SPTLC3: variants seen among roughly 807,000 people sequenced by gnomAD.
SPTLC3 encodes the protein serine palmitoyltransferase long chain base subunit 3.
A neutral mutation model predicts 59.3 loss-of-function variants in SPTLC3; 36 were observed. The ratio of observed to expected loss-of-function variants is 0.61; its 90% CI spans 0.47 to 0.80. The LOEUF (loss-of-function observed/expected upper bound fraction) is 0.80, where lower values mean the gene tolerates loss of function less well. SPTLC3 is among the 30% of genes least tolerant of loss of function. The pLI is 0.00. For synonymous variants in SPTLC3, 257 were observed against 240.8 expected, an observed-to-expected ratio of 1.07 and a Z score of -0.62; for missense variants, 625 against 685.1, an observed-to-expected ratio of 0.91 and a Z score of 0.98.
chr20:13,141,165 T>C (rs141556827), intron 9 of SPTLC3, among the ~76,000 whole-genome samples: 20 of 152,386 alleles, frequency 1.3e-4, no homozygotes, highest in Non-Finnish European at 2.5e-4. Context: ...TCTTTCCTAC[T>C]GTTTATTTTT....
rs530448885 is a variant in SPTLC3, at chr20:13,024,314, A to G, written c.117+14930A>G. On this transcript the variant is annotated intron_variant, in intron 1 of 11. Transcript: ENST00000399002. ...GTAAACATTTGCAAATTTATAGAAA[A>G]CCTTATATAATTCTAAATAAATATT... Among the ~76,000 whole-genome samples the G allele has an allele frequency of 3.3e-5, 5 of 152,194 alleles. No homozygotes were observed. The East Asian group carries it at 7.7e-4, about 23-fold the overall frequency.
At chr20:13,161,535 G>C (rs537163292) in intron 11 of SPTLC3, among the ~76,000 whole-genome samples, 1 of 152,180 alleles carries the variant, frequency 6.6e-6, no homozygotes, top group African/African-American at 2.4e-5. Context: ...TCGCAGGTGG[G>C]GACCCAGACT....
chr20:13,068,981 G>A (rs1049736243), intron 2 of SPTLC3, among the ~76,000 whole-genome samples: 6 of 152,166 alleles, frequency 3.9e-5, no homozygotes, highest in African/African-American at 7.2e-5. Context: ...CCCTGAGTCA[G>A]GAGGCAGAGA....
intron 1 of SPTLC3, among the ~76,000 whole-genome samples, chr20:13,013,227 C>T (rs568912056): frequency 2.2e-4 from 34 of 152,320 alleles, no homozygotes; most frequent in African/African-American, 7.2e-4. Flanking sequence ...ATTCTCCCCA[C>T]CTTTCTATAT....
chr20:13,090,896 AT>A (rs60921624), intron 4 of SPTLC3, among the ~76,000 whole-genome samples, 186 bp from the exon 5 acceptor site: 70,782 of 151,984 alleles, frequency 0.47, 16,490 homozygotes, highest in Middle Eastern at 0.51. Context: ...AATACCCCAC[AT>A]TGTATTTTTC....
intron 1 of SPTLC3, among the ~76,000 whole-genome samples, chr20:13,041,202 C>T (rs927038729): frequency 2.6e-5 from 4 of 152,044 alleles, no homozygotes; most frequent in African/African-American, 9.7e-5. Flanking sequence ...CTTTCTAACA[C>T]TCATATTGTG....
chr20:13,124,475 G>GA (rs1303257547), intron 8 of SPTLC3, among the ~76,000 whole-genome samples: 1 of 151,654 alleles, frequency 6.6e-6, no homozygotes, highest in Admixed American at 6.6e-5. Context: ...GAAGGGGAAG[G>GA]AAGGAAGCTA....
intron 9 of SPTLC3, among the ~76,000 whole-genome samples, chr20:13,135,131 A>G (rs1403002581): frequency 6.6e-6 from 1 of 152,244 alleles, no homozygotes. Flanking sequence ...CATTTCTCCA[A>G]TAACTGCTAT....
intron 4 of SPTLC3, among the ~76,000 whole-genome samples, chr20:13,077,048 T>A (rs1442401702): frequency 6.6e-6 from 1 of 152,072 alleles, no homozygotes; most frequent in Non-Finnish European, 1.5e-5. Context: ...TAGAAAATAG[T>A]GGAATACAAA....
At chr20:13,040,745 TC>T (rs988421091) in intron 1 of SPTLC3, among the ~76,000 whole-genome samples, 9 of 152,012 alleles carry the variant, frequency 5.9e-5, no homozygotes, top group Non-Finnish European at 1.3e-4. Context: ...TCTGAAGACC[TC>T]CCTTTAGTAC....
intron 2 of SPTLC3, 121 bp downstream of exon 2, chr20:13,049,251 AAATT>A (rs1568577876): frequency 9.0e-7 from 1 of 1,113,824 alleles, no homozygotes; most frequent in South Asian, 1.3e-5. Flanking sequence ...TATTCAGGGC[AAATT>A]TCATTCATCT....
intron 6 of SPTLC3, among the ~76,000 whole-genome samples, chr20:13,094,083 G>A (rs1236122139): frequency 6.6e-6 from 1 of 152,080 alleles, no homozygotes; most frequent in African/African-American, 2.4e-5. Context: ...TGTGTGGCTG[G>A]GTGGTGAGGA....
intron 6 of SPTLC3, among the ~76,000 whole-genome samples, chr20:13,095,708 A>C (rs906848447): frequency 3.3e-5 from 5 of 152,106 alleles, no homozygotes; most frequent in Non-Finnish European, 5.9e-5. Flanking sequence ...AAGACCTAGA[A>C]TCTTATTTTT....
intron 4 of SPTLC3, among the ~76,000 whole-genome samples, chr20:13,090,622 T>TATG (rs1280557594): frequency 6.6e-6 from 1 of 152,204 alleles, no homozygotes; most frequent in Admixed American, 6.5e-5. Context: ...CAAACATACC[T>TATG]ATGTAACAAA....
intron 6 of SPTLC3, among the ~76,000 whole-genome samples, chr20:13,101,289 C>G (rs578045350): frequency 7.7e-4 from 117 of 152,272 alleles, no homozygotes; most frequent in African/African-American, 2.5e-3. Flanking sequence ...AGGGTATAGG[C>G]AGGATGTGCA....
At chr20:13,140,720 AGGTCTTT>A (rs1410796539) in intron 9 of SPTLC3, among the ~76,000 whole-genome samples, 3 of 152,212 alleles carry the variant, frequency 2.0e-5, no homozygotes, top group Non-Finnish European at 4.4e-5. Context: ...TAAAATGTCA[AGGTCTTT>A]TAAGTAACTA....
chr20:13,116,228 C>T (rs1226348811), intron 7 of SPTLC3, among the ~76,000 whole-genome samples: 1 of 152,140 alleles, frequency 6.6e-6, no homozygotes, highest in African/African-American at 2.4e-5. Context: ...TTTTTTAATA[C>T]ATTAAATTTA....
chr20:13,153,858 A>C, intron 9 of SPTLC3, 145 bp from the exon 10 acceptor site: 1 of 1,074,630 alleles, frequency 9.3e-7, no homozygotes, highest in Non-Finnish European at 1.4e-6. Context: ...CCTGCTCCCC[A>C]GGAGATATCT....
chr20:13,164,367 G>T (rs190027007), intron 11 of SPTLC3: 2 of 472,862 alleles, frequency 4.2e-6, no homozygotes, highest in Admixed American at 4.7e-5. Context: ...GTGATTTGCT[G>T]TGTCATGAAG....
Sources: gnomAD v4.1 joint callset for allele counts (sites outside exome capture counted in the v4.1 genomes callset) on GRCh38, gnomAD v4.1.1 for gene constraint, MANE v1.5 for transcripts, NCBI Gene and HGNC (gene_info 2026-07-23, HGNC 2026-07-21) for gene names.